The following ACY1 variants were observed in gnomAD, a reference collection of about 807,000 sequenced individuals.
The protein encoded by ACY1 is aminoacylase 1.
A neutral mutation model predicts 53.3 loss-of-function variants in ACY1; 38 were observed. The ratio of observed to expected loss-of-function variants is 0.71; its 90% confidence interval spans 0.55 to 0.93. The LOEUF (loss-of-function observed/expected upper bound fraction) is 0.93. Ranked by LOEUF, ACY1 falls within the 40% of genes least tolerant of loss-of-function variation. ACY1 has a pLI of 0.00. For missense variants in ACY1, 484 were observed against 540.9 expected (o/e 0.89, Z 1.04); for synonymous variants, 177 against 202.1 (o/e 0.88, Z 1.05).
At chr3:51,986,228 C>CAGAGGTGAG in intron 5 of ACY1, 27 bp from the exon 6 acceptor site, 1 of 1,612,506 alleles carries the variant, frequency 6.2e-7, no homozygotes, top group Non-Finnish European at 8.5e-7. Flanking sequence ...TGGTGGCTCC[C>CAGAGGTGAG]CCAGCACCTG....
At chr3:51,984,813 TCAAA>T in intron 2 of ACY1, 1 of 190,606 alleles carries the variant, frequency 5.2e-6, no homozygotes, top group Non-Finnish European at 8.9e-6. Flanking sequence ...AGACCCTGTC[TCAAA>T]AAAAAAAAAA....
chr3:51,984,043 C>G lies in ACY1; in HGVS notation c.-18-4C>G, dbSNP rs763003124. On this transcript the variant is annotated splice_polypyrimidine_tract_variant and splice_region_variant and intron_variant, in intron 1 of 14. Transcript: ENST00000636358. ...GGGTAGTTAGCCATTCACTTTGCCC[C>G]CAGCTCACCACGCGCAGCGCCATGA... 3 of 1,610,432 alleles carry G rather than the reference C, an allele frequency of 1.9e-6. No homozygotes were observed. The highest frequency in any genetic ancestry group is 2.2e-5 in the South Asian group (2 of 91,054).
chr3:51,985,717 C>T (rs1701031753), intron 4 of ACY1, 135 bp from the exon 5 acceptor site: 3 of 846,148 alleles, frequency 3.5e-6, no homozygotes, highest in Non-Finnish European at 5.9e-6. Flanking sequence ...TTCTTCAGCC[C>T]CCGTCTTTCC....
In ACY1 at chr3:51,984,134, A is replaced by G. The variant is rs1257148621; in HGVS notation, c.70A>G (p.Thr24Ala). Residue 24 changes from threonine to alanine, a missense_variant, in exon 2 of 15, where the codon ACT (threonine) becomes GCT (alanine). Transcript: ENST00000636358. ...CTTCCGCCAGTACCTGCGTATCCGC[A>G]CTGTCCAGCCCAAGCCTGACTATGG... is the stretch of plus-strand genomic sequence containing the variant. ...TLFRQYLRIR[T>A]VQPKPDYGAA... 3 of 1,613,844 alleles carry G rather than the reference A, an allele frequency of 1.9e-6. No homozygotes were observed. The highest frequency in any genetic ancestry group is 2.5e-6 in the Non-Finnish European group (3 of 1,180,028).
At position 51,987,299 on chromosome 3, in the gene ACY1, C is replaced by A. The variant is rs1701104103; in HGVS notation, c.708-10C>A. ...TCTGTTGCTGCCGCTACCCTGCCCC[C>A]ACACCACAGGCTGCAGTCAAACCCC... On this transcript the variant is annotated splice_polypyrimidine_tract_variant and intron_variant, in intron 10 of 14. Transcript: ENST00000636358. The A allele has an allele frequency of 1.2e-6, 2 of 1,614,026 alleles. No individual in the cohort carries two copies. The highest frequency in any genetic ancestry group is 1.3e-5 in the African/African-American group (1 of 74,928).
chr3:51,988,753 C>G lies in ACY1; in HGVS notation c.1002-13C>G. On this transcript the variant is annotated splice_polypyrimidine_tract_variant and intron_variant, in intron 13 of 14. Transcript: ENST00000636358. ...TTTCTCCCTCCCCATTCATCAGGCTCTTTCTCCTACAGGAACCTCACTCTG... is the reference window on the plus strand; with the variant it reads ...TTTCTCCCTCCCCATTCATCAGGCTGTTTCTCCTACAGGAACCTCACTCTG... 1 of 1,614,090 alleles carries G rather than the reference C, an allele frequency of 6.2e-7. No homozygotes were observed.
Position 51,986,406 on chromosome 3 carries a change from C to G in ACY1, c.437-9C>G. The G allele has an allele frequency of 6.2e-7, 1 of 1,609,406 alleles. No individual in the cohort carries two copies. Among genetic ancestry groups the G allele is most frequent in the Non-Finnish European group, 8.5e-7 (1 of 1,177,678 alleles). ...GCCTCCTCATCTCACGTCCCTGCTG[C>G]TTTTACAGATGAGGAGGTTGGGGGT... On this transcript the variant is annotated splice_polypyrimidine_tract_variant and intron_variant, in intron 6 of 14. Transcript: ENST00000636358.
intron 1 of ACY1, 58 bp from the exon 2 acceptor site, chr3:51,983,989 A>G (rs1700971826): frequency 2.3e-6 from 3 of 1,283,828 alleles, no homozygotes; most frequent in African/African-American, 1.5e-5. Context: ...GGCTGTGTGC[A>G]GGAGCTCACC....
At chr3:51,987,670 G>T in intron 12 of ACY1, 46 bp downstream of exon 12, 2 of 1,596,424 alleles carry the variant, frequency 1.3e-6, no homozygotes, top group South Asian at 2.2e-5. Context: ...AGCCGGGGGA[G>T]ACCCAAGTGT....
chr3:51,987,457 C>A lies in ACY1; in HGVS notation c.852+4C>A, dbSNP rs1391597114. 8.7e-6 allele frequency: 14 copies of A among 1,614,156 alleles called. No homozygotes were observed. The highest frequency in any genetic ancestry group is 1.1e-5 in the Non-Finnish European group (13 of 1,180,012). On this transcript the variant is annotated splice_donor_region_variant and intron_variant, in intron 11 of 14. Coordinates refer to ENST00000636358, the MANE Select transcript of ACY1 (RefSeq NM_000666.3). The stretch of plus-strand genomic sequence containing the variant: ...GGCACCGGATGTGGACTTCAAGGTG[C>A]CACCTCCACCTGGGTTTGGAGGAGG...
At position 51,985,024 on chromosome 3, in the gene ACY1, G is replaced by T. The variant is rs1035885549; in HGVS notation, c.95-183G>T. 7.3e-6 allele frequency: 5 copies of T among 683,766 alleles called. No homozygotes were observed. The East Asian group carries it at 1.4e-4, about 19-fold the overall frequency. The allele number at this position is 683,766 out of a possible 1,614,324, so 42.4% of individuals were successfully genotyped here. The stretch of plus-strand genomic sequence containing the variant: ...GACATCCCCCTGGACTTCCAGAAAG[G>T]GTCACTGAGTAGCCAAAAATATCTT... On this transcript the variant is annotated intron_variant, in intron 2 of 14. Coordinates refer to ENST00000636358, the MANE Select transcript of ACY1 (RefSeq NM_000666.3).
intron 2 of ACY1, chr3:51,984,899 GA>G: frequency 2.1e-6 from 1 of 465,192 alleles, no homozygotes; most frequent in Non-Finnish European, 4.0e-6. Context: ...CCTCCTCTGT[GA>G]TTAATCAGCT....
chr3:51,989,080 T>C lies in ACY1; in HGVS notation c.*5T>C. 6.2e-7 allele frequency: 1 copy of C among 1,613,270 alleles called. No individual in the cohort carries two copies. Among genetic ancestry groups the C allele is most frequent in the Non-Finnish European group, 8.5e-7 (1 of 1,180,022 alleles). ...GCCCTGCCCAGTGACAGCTGAGCCC[T>C]GGAACTCCTAAACCTTTGCCCCTGG... On this transcript the variant is annotated 3_prime_UTR_variant, in exon 15 of 15. Coordinates refer to ENST00000636358, the MANE Select transcript of ACY1 (RefSeq NM_000666.3).
chr3:51,986,688 C>G, intron 8 of ACY1, 27 bp downstream of exon 8: 1 of 1,612,500 alleles, frequency 6.2e-7, no homozygotes, highest in East Asian at 2.2e-5. Context: ...AGGGAGGGCT[C>G]ACTCTACAGG....
At chr3:51,983,961 G>T (rs1235644568) in intron 1 of ACY1, 86 bp from the exon 2 acceptor site, 5 of 987,512 alleles carry the variant, frequency 5.1e-6, no homozygotes, top group African/African-American at 1.6e-5. Context: ...GGGAAGTCCG[G>T]GAGCCGCCGT....
intron 5 of ACY1, 136 bp downstream of exon 5, chr3:51,986,082 C>T (rs1416114659): frequency 2.8e-6 from 3 of 1,076,706 alleles, no homozygotes; most frequent in East Asian, 5.2e-5. Context: ...ACTGCCATGA[C>T]CATTGCATGG....
intron 1 of ACY1, 87 bp from the exon 2 acceptor site, chr3:51,983,960 G>T: frequency 1.0e-6 from 1 of 977,952 alleles, no homozygotes; most frequent in South Asian, 1.3e-5. Context: ...TGGGAAGTCC[G>T]GGAGCCGCCG....
chr3:51,984,089 G>A lies in ACY1; in HGVS notation c.25G>A (p.Glu9Lys). The A allele has an allele frequency of 6.2e-7, 1 of 1,613,500 alleles. No homozygotes were observed. Among genetic ancestry groups the A allele is most frequent in the Non-Finnish European group, 8.5e-7 (1 of 1,179,948 alleles). Residue 9 changes from glutamate to lysine, a missense_variant, in exon 2 of 15, where the codon GAG becomes AAG. Glu to Lys is a moderately conservative substitution (Grantham distance 56). Transcript: ENST00000636358. The part of the protein sequence containing the change: MTSKGPEE[E>K]HPSVTLFRQY... ...CATGACCAGCAAGGGTCCCGAGGAG[G>A]AGCACCCATCGGTGACGCTCTTCCG... is the stretch of plus-strand genomic sequence containing the variant.
rs199990594 is a variant in ACY1 at position 51,985,935 on chromosome 3, C to T, written c.348C>T (p.Cys116=). ...CCAGGGGTGCCCAGGACATGAAGTG[C>T]GTCAGCATCCAGTGAGTGTCCTCCA... ...IYARGAQDMK[C]VSIQYLEAVR... Residue 116 remains cysteine, a synonymous_variant, in exon 5 of 15, where the codon TGC becomes TGT. Transcript: ENST00000636358. 9 of 1,611,378 alleles carry T rather than the reference C, an allele frequency of 5.6e-6. No homozygotes were observed. The Admixed American group carries it at 6.7e-5, about 12-fold the overall frequency.
Sources: allele counts gnomAD v4.1 joint callset, GRCh38; gene constraint gnomAD v4.1.1; transcripts MANE v1.5; gene names NCBI Gene and HGNC (gene_info 2026-07-23, HGNC 2026-07-21).